The following SHISAL1 variants were observed in gnomAD, a reference collection of about 807,000 sequenced individuals.
The protein encoded by SHISAL1 is protein shisa-like-1.
Under a neutral mutation model 22.6 loss-of-function variants are expected in SHISAL1, and 9 were observed. The ratio of observed to expected loss-of-function variants is 0.40; its 90% CI spans 0.24 to 0.70. SHISAL1 has a LOEUF of 0.70. SHISAL1 is among the 30% of genes least tolerant of loss of function. The probability of loss-of-function intolerance (pLI) is 0.39; values close to 1 mark genes in which losing one functional copy is unlikely to be tolerated. For missense variants in SHISAL1, 246 were observed against 270.6 expected (o/e 0.91, Z 0.64); for synonymous variants, 119 against 115.4 (o/e 1.03, Z -0.20).
chr22:44,249,702 G>GT lies in SHISAL1; in HGVS notation c.*-18_*-17insA, dbSNP rs1569205352. 1.0e-5 allele frequency: 8 copies of GT among 778,642 alleles called. No homozygotes were observed. The Admixed American group carries it at 1.2e-4, about 12-fold the overall frequency. The allele number at this position is 778,642 out of a possible 1,614,324, so 48.2% of individuals were successfully genotyped here. On this transcript the variant is annotated splice_polypyrimidine_tract_variant and intron_variant, in intron 4 of 4. Coordinates refer to ENST00000381176, the MANE Select transcript of SHISAL1 (RefSeq NM_001099294.2). ...AAGCGTTTTCTGGAGGAAATACAAG[G>GT]AAAAAAAGTATCACATGGTGTCTCC...
intron 2 of SHISAL1, 121 bp downstream of exon 2, chr22:44,300,758 G>A: frequency 1.3e-6 from 1 of 780,896 alleles, no homozygotes; most frequent in Non-Finnish European, 2.2e-6. Flanking sequence ...TGCCAGTAAG[G>A]TGGAGGACAA....
At chr22:44,287,085 C>T (rs1001116970) in intron 3 of SHISAL1, among the ~76,000 whole-genome samples, 2 of 152,224 alleles carry the variant, frequency 1.3e-5, no homozygotes, top group African/African-American at 4.8e-5. Context: ...GGGAAGGGGC[C>T]AGCCCGGAAC....
chr22:44,244,329 C>T lies in SHISAL1; in HGVS notation c.*5356G>A, dbSNP rs1354061633. On this transcript the variant is annotated 3_prime_UTR_variant, in exon 5 of 5. Transcript: ENST00000381176. ...TACCTCATTGTACAAACCTAAGGGTCACCGTTCTCAGTGCAGTCTATGTAA... is the reference window on the plus strand; with the variant it reads ...TACCTCATTGTACAAACCTAAGGGTTACCGTTCTCAGTGCAGTCTATGTAA... 3 of 152,142 alleles carry T rather than the reference C, an allele frequency of 2.0e-5. No homozygotes were observed. Among genetic ancestry groups the T allele is most frequent in the African/African-American group, 7.2e-5 (3 of 41,442 alleles). The allele number at this position is 152,142 out of a possible 1,614,324, so 9.4% of individuals were successfully genotyped here.
At chr22:44,274,016 G>C (rs1249329249) in intron 4 of SHISAL1, among the ~76,000 whole-genome samples, 1 of 152,036 alleles carries the variant, frequency 6.6e-6, no homozygotes, top group African/African-American at 2.4e-5. Flanking sequence ...TCAGGAGTTC[G>C]AGACCAGCCT....
chr22:44,313,136 T>C (rs1205868726), upstream of SHISAL1, among the ~76,000 whole-genome samples: 1 of 152,204 alleles, frequency 6.6e-6, no homozygotes, highest in East Asian at 1.9e-4. Context: ...AAGAGCCCCA[T>C]TTTACAGGTG....
chr22:44,269,474 G>GCACA (rs879356618), intron 4 of SHISAL1, among the ~76,000 whole-genome samples: 2 of 22,352 alleles, frequency 8.9e-5, no homozygotes, highest in African/African-American at 2.5e-4. Context: ...CACAACACGC[G>GCACA]CACACACACA....
chr22:44,280,232 T>C (rs1412642627), intron 4 of SHISAL1, among the ~76,000 whole-genome samples: 1 of 151,986 alleles, frequency 6.6e-6, no homozygotes, highest in African/African-American at 2.4e-5. Flanking sequence ...CAAGGCTGGG[T>C]TGGAAGGCAT....
chr22:44,318,723 G>A, the SHISAL1 span, among the ~76,000 whole-genome samples: 11 of 152,242 alleles, frequency 7.2e-5, no homozygotes, highest in South Asian at 2.1e-4. Context: ...CATCCTCTCC[G>A]GAGGCTCGCG....
intron 4 of SHISAL1, among the ~76,000 whole-genome samples, 186 bp downstream of exon 4, chr22:44,285,241 CT>C (rs2055304656): frequency 1.3e-5 from 2 of 152,240 alleles, no homozygotes; most frequent in East Asian, 3.8e-4. Flanking sequence ...CTCATTTTGA[CT>C]TTCCTGTCTA....
At chr22:44,317,154 G>C (rs1601811782), upstream of SHISAL1, among the ~76,000 whole-genome samples, 1 of 152,180 alleles carries the variant, frequency 6.6e-6, no homozygotes, top group East Asian at 1.9e-4. Context: ...TCCACTTCTG[G>C]GGGTTAATGA....
chr22:44,275,381 G>T (rs1445443079), intron 4 of SHISAL1, among the ~76,000 whole-genome samples: 2 of 152,246 alleles, frequency 1.3e-5, no homozygotes, highest in Non-Finnish European at 2.9e-5. Context: ...AGCCCGCGAA[G>T]GGGCCGACGG....
upstream of SHISAL1, among the ~76,000 whole-genome samples, chr22:44,314,168 G>T (rs2055542373): frequency 6.7e-6 from 1 of 148,638 alleles, no homozygotes; most frequent in Non-Finnish European, 1.5e-5. Flanking sequence ...GGGGTCTGGT[G>T]TGGACACCTG....
intron 4 of SHISAL1, among the ~76,000 whole-genome samples, chr22:44,273,091 G>C (rs2055215872): frequency 6.9e-6 from 1 of 145,072 alleles, no homozygotes; most frequent in South Asian, 2.1e-4. Flanking sequence ...GCAAGACTCT[G>C]TCTCCAAAAA....
At chr22:44,305,170 T>C (rs913396572) in intron 1 of SHISAL1, among the ~76,000 whole-genome samples, 2 of 152,254 alleles carry the variant, frequency 1.3e-5, no homozygotes, top group South Asian at 2.1e-4. Flanking sequence ...CTGAGGCCTA[T>C]AGTATTCCAT....
intron 4 of SHISAL1, among the ~76,000 whole-genome samples, chr22:44,280,780 C>T (rs1190917847): frequency 6.6e-6 from 1 of 152,138 alleles, no homozygotes; most frequent in Non-Finnish European, 1.5e-5. Flanking sequence ...GAGGCCAGCC[C>T]TGCCCAGTTT....
upstream of SHISAL1, among the ~76,000 whole-genome samples, chr22:44,316,407 T>TG (rs999107352): frequency 4.3e-5 from 4 of 92,054 alleles, no homozygotes; most frequent in Non-Finnish European, 8.2e-5. Flanking sequence ...AGAACCAGGG[T>TG]GGGGGGTGGG....
intron 1 of SHISAL1, among the ~76,000 whole-genome samples, chr22:44,301,389 T>C (rs1487703626): frequency 2.6e-5 from 4 of 152,088 alleles, no homozygotes; most frequent in Admixed American, 1.3e-4. Flanking sequence ...GTGACTTCCA[T>C]GAACCCCTCC....
At chr22:44,281,383 G>A (rs978090473) in intron 4 of SHISAL1, among the ~76,000 whole-genome samples, 1 of 152,114 alleles carries the variant, frequency 6.6e-6, no homozygotes, top group Non-Finnish European at 1.5e-5. Context: ...GGGGATTGGT[G>A]GGAGGGCCTG....
At chr22:44,258,777 G>C (rs750063969) in intron 4 of SHISAL1, among the ~76,000 whole-genome samples, 6 of 152,142 alleles carry the variant, frequency 3.9e-5, no homozygotes, top group Non-Finnish European at 5.9e-5. Context: ...TTGGGTCAAA[G>C]GTAAGAAATA....
Sources: gnomAD v4.1 joint callset for allele counts (sites outside exome capture counted in the v4.1 genomes callset) on GRCh38, gnomAD v4.1.1 for gene constraint, MANE v1.5 for transcripts, NCBI Gene and HGNC (gene_info 2026-07-23, HGNC 2026-07-21) for gene names.